The following GRAMD1C variants were observed in gnomAD, a reference collection of about 807,000 sequenced individuals.
GRAMD1C encodes protein Aster-C.
Under a neutral mutation model 97.8 loss-of-function variants are expected in GRAMD1C, and 89 were observed. That is an observed-to-expected ratio of 0.91 (90% confidence interval 0.77 to 1.09). GRAMD1C has a LOEUF of 1.09. Ranked by LOEUF, GRAMD1C falls within the 50% of genes least tolerant of loss-of-function variation. The pLI is 0.00. For synonymous variants in GRAMD1C, 256 were observed against 267.0 expected (o/e 0.96, Z 0.40); for missense variants, 740 against 766.4 (o/e 0.97, Z 0.41).
At chr3:113,941,626 T>G (rs1937783573) in intron 17 of GRAMD1C, among the ~76,000 whole-genome samples, 2 of 151,404 alleles carry the variant, frequency 1.3e-5, no homozygotes, top group Non-Finnish European at 3.0e-5. Context: ...TGCAATTTTT[T>G]TTTTTTTTTT....
intron 6 of GRAMD1C, among the ~76,000 whole-genome samples, chr3:113,887,312 T>C (rs969840679): frequency 2.0e-5 from 3 of 151,634 alleles, no homozygotes; most frequent in African/African-American, 7.3e-5. Flanking sequence ...GGCTGGCCTC[T>C]AACTTCTGAC....
intron 13 of GRAMD1C, among the ~76,000 whole-genome samples, chr3:113,935,749 T>G (rs139498248): frequency 3.7e-4 from 56 of 152,236 alleles, no homozygotes; most frequent in African/African-American, 1.3e-3. Context: ...GTTTGGCCAC[T>G]GAATAAGTTT....
At chr3:113,916,263 C>T (rs1044567409) in intron 10 of GRAMD1C, among the ~76,000 whole-genome samples, 26 of 152,140 alleles carry the variant, frequency 1.7e-4, no homozygotes, top group African/African-American at 5.8e-4. Flanking sequence ...ATACATTCAT[C>T]AGAAATGGGT....
In GRAMD1C at chr3:113,914,445, TC is replaced by T. The variant is rs552892909; in HGVS notation, c.953-1254del. 1.1e-4 allele frequency among the ~76,000 whole-genome samples: 16 copies of T among 152,320 alleles called. No homozygotes were observed. The East Asian group carries it at 2.9e-3, about 28-fold the overall frequency. ...GCCAGAGCTAGCAGAGTTTTTCTGA[TC>T]CATAGACTATTGCCCTTTGATTTAA... On this transcript the variant is annotated intron_variant, in intron 9 of 17. Coordinates refer to ENST00000358160, the MANE Select transcript of GRAMD1C (RefSeq NM_017577.5).
At chr3:113,925,499 AAAC>A (rs1937203383) in intron 10 of GRAMD1C, among the ~76,000 whole-genome samples, 2 of 151,868 alleles carry the variant, frequency 1.3e-5, no homozygotes, top group Non-Finnish European at 2.9e-5. Flanking sequence ...ACAAACAAAC[AAAC>A]AAAACCCAGC....
At chr3:113,852,152 A>G (rs2107335780) in intron 2 of GRAMD1C, among the ~76,000 whole-genome samples, 1 of 152,304 alleles carries the variant, frequency 6.6e-6, no homozygotes, top group African/African-American at 2.4e-5. Flanking sequence ...ATACATACAT[A>G]GTAAGGATTA....
rs1188012180 is a variant in GRAMD1C at position 113,925,714 on chromosome 3, T to C, written c.1091-5000T>C. ...TTAAGTGTGTTTTTGTGGTGGCTGCTAACAGTCTTTCATTTCCATGTTTAG... is the reference window on the plus strand; with the variant it reads ...TTAAGTGTGTTTTTGTGGTGGCTGCCAACAGTCTTTCATTTCCATGTTTAG... On this transcript the variant is annotated intron_variant, in intron 10 of 17. Transcript: ENST00000358160. Among the ~76,000 whole-genome samples, 4 of 152,236 alleles carry C rather than the reference T, an allele frequency of 2.6e-5. 1 individual carries two copies. The highest frequency in any genetic ancestry group is 9.6e-5 in the African/African-American group (4 of 41,462).
At position 113,882,810 on chromosome 3, in the gene GRAMD1C, G is replaced by GGCA. The variant is rs1553719313; in HGVS notation, c.520_522dup (p.Gln174dup). On this transcript the variant is annotated inframe_insertion, in exon 6 of 18. Transcript: ENST00000358160. ...AGTTACCTCAGTATCTTTAGGTTGT[G>GGCA]GCAGAATGTATTATTAGATAAGGTA... 6 of 1,580,340 alleles carry GGCA rather than the reference G, an allele frequency of 3.8e-6. No individual in the cohort carries two copies. The highest frequency in any genetic ancestry group is 5.2e-6 in the Non-Finnish European group (6 of 1,149,966).
chr3:113,863,245 T>A (rs942256891), intron 2 of GRAMD1C, among the ~76,000 whole-genome samples: 10 of 152,222 alleles, frequency 6.6e-5, no homozygotes, highest in African/African-American at 2.4e-4. Context: ...GAAATATTAT[T>A]CATCCATAAG....
At chr3:113,872,391 C>CTTTTTTTTT (rs777339692) in intron 3 of GRAMD1C, among the ~76,000 whole-genome samples, 1,682 of 117,132 alleles carry the variant, frequency 0.014, no homozygotes, top group East Asian at 0.021. Flanking sequence ...TCTTTTTTTT[C>CTTTTTTTTT]TTTTTTTTTT....
intron 3 of GRAMD1C, among the ~76,000 whole-genome samples, chr3:113,873,675 T>C (rs1422129545): frequency 6.6e-6 from 1 of 152,098 alleles, no homozygotes; most frequent in Non-Finnish European, 1.5e-5. Context: ...CCCGCCACCA[T>C]ACCTGGCTAA....
chr3:113,839,194 G>A (rs759183400), intron 1 of GRAMD1C, among the ~76,000 whole-genome samples: 1 of 152,102 alleles, frequency 6.6e-6, no homozygotes, highest in Non-Finnish European at 1.5e-5. Flanking sequence ...GAAATGTCCT[G>A]GTGCGGATGT....
chr3:113,882,098 G>A (rs1000034899), intron 5 of GRAMD1C, among the ~76,000 whole-genome samples: 7 of 152,136 alleles, frequency 4.6e-5, no homozygotes, highest in South Asian at 2.1e-4. Context: ...GTGCTGTCTT[G>A]TTGCATTTTC....
At chr3:113,889,590 A>G (rs1312577821) in intron 6 of GRAMD1C, among the ~76,000 whole-genome samples, 1 of 152,178 alleles carries the variant, frequency 6.6e-6, no homozygotes, top group Admixed American at 6.5e-5. Flanking sequence ...AGCTGCTGTT[A>G]AAAGAAATGG....
chr3:113,903,528 T>C (rs941840772), intron 7 of GRAMD1C, among the ~76,000 whole-genome samples: 13 of 152,194 alleles, frequency 8.5e-5, no homozygotes, highest in Admixed American at 7.9e-4. Flanking sequence ...ATTTAATAGG[T>C]TTTCCTTTCT....
chr3:113,884,586 A>G (rs1935377979), intron 6 of GRAMD1C, among the ~76,000 whole-genome samples: 1 of 152,198 alleles, frequency 6.6e-6, no homozygotes, highest in South Asian at 2.1e-4. Context: ...TAATCCCAGC[A>G]CTTTGGGAGG....
At chr3:113,912,378 A>G (rs962214850) in intron 9 of GRAMD1C, among the ~76,000 whole-genome samples, 2 of 152,206 alleles carry the variant, frequency 1.3e-5, no homozygotes, top group East Asian at 1.9e-4. Flanking sequence ...TTTTTAAAAC[A>G]TATTTTAAAA....
chr3:113,907,313 T>C (rs919777901), intron 8 of GRAMD1C, among the ~76,000 whole-genome samples: 1 of 152,258 alleles, frequency 6.6e-6, no homozygotes. Context: ...AACTTGTTTT[T>C]ACCAGTCATG....
chr3:113,924,195 T>C (rs930382990), intron 10 of GRAMD1C, among the ~76,000 whole-genome samples: 5 of 151,952 alleles, frequency 3.3e-5, no homozygotes, highest in Non-Finnish European at 7.4e-5. Flanking sequence ...TAGTGGTCTA[T>C]TAATCTTATT....
Sources: gnomAD v4.1 joint callset for allele counts (sites outside exome capture counted in the v4.1 genomes callset) on GRCh38, gnomAD v4.1.1 for gene constraint, MANE v1.5 for transcripts, NCBI Gene and HGNC (gene_info 2026-07-23, HGNC 2026-07-21) for gene names.